Variants in APLP2 observed in about 807,000 individuals in gnomAD.
APLP2 encodes the protein amyloid beta precursor like protein 2.
A neutral mutation model predicts 89.9 loss-of-function variants in APLP2; 53 were observed. The ratio of observed to expected loss-of-function variants is 0.59; its 90% CI spans 0.47 to 0.74. The LOEUF (loss-of-function observed/expected upper bound fraction) is 0.74, where lower values mean the gene tolerates loss of function less well. APLP2 is among the 30% of genes least tolerant of loss of function. APLP2 has a pLI of 0.00. For missense variants in APLP2, 973 were observed against 975.9 expected (o/e 1.00, Z 0.04); for synonymous variants, 372 against 348.6 (o/e 1.07, Z -0.75).
In APLP2 at chr11:130,144,804, C is replaced by T. The variant is rs1356735906; in HGVS notation, c.*1356C>T. On this transcript the variant is annotated 3_prime_UTR_variant, in exon 17 of 17. Coordinates refer to ENST00000338167, the MANE Select transcript of APLP2 (RefSeq NM_001142276.2). The stretch of plus-strand genomic sequence containing the variant: ...ACACATCAATAAATACTTTAACTTC[C>T]ACCGAGACTGCTCGTTTCACTGACT... 1 of 152,568 alleles carries T rather than the reference C, an allele frequency of 6.6e-6. No individual in the cohort carries two copies. Among genetic ancestry groups the T allele is most frequent in the Non-Finnish European group, 1.5e-5 (1 of 68,052 alleles). 9.5% of individuals were successfully genotyped at this position (152,568 alleles called of 1,614,324 possible).
chr11:130,069,944 T>G lies in APLP2; in HGVS notation c.-34T>G. ...AAGCGAGGAGTCCGAGTGTGTGAGC[T>G]TGAGAGCCGCGCGCTAGAGCGACCC... On this transcript the variant is annotated 5_prime_UTR_variant, in exon 1 of 17. Transcript: ENST00000338167. 6.8e-7 allele frequency: 1 copy of G among 1,470,624 alleles called. No homozygotes were observed. Among genetic ancestry groups the G allele is most frequent in the Non-Finnish European group, 9.1e-7 (1 of 1,103,864 alleles). The allele number at this position is 1,470,624 out of a possible 1,614,324, so 91.1% of individuals were successfully genotyped here.
chr11:130,090,798 G>T (rs1944866544), intron 1 of APLP2, among the ~76,000 whole-genome samples: 1 of 152,162 alleles, frequency 6.6e-6, no homozygotes, highest in Admixed American at 6.5e-5. Flanking sequence ...CAGACGGGGT[G>T]GTGGCCGGGC....
chr11:130,094,718 T>G (rs1241842661), intron 1 of APLP2, among the ~76,000 whole-genome samples: 1 of 152,174 alleles, frequency 6.6e-6, no homozygotes, highest in East Asian at 1.9e-4. Flanking sequence ...CACCCTTTCT[T>G]AGGAAGCTAT....
At chr11:130,133,831 G>A in intron 12 of APLP2, 103 bp downstream of exon 12, 1 of 840,862 alleles carries the variant, frequency 1.2e-6, no homozygotes, top group Non-Finnish European at 2.0e-6. Flanking sequence ...CAAGGCCGGT[G>A]AAGTGGGGCA....
rs1246031717 is a variant in APLP2, at chr11:130,127,844, A to G, written c.1296+4A>G. The G allele has an allele frequency of 6.2e-7, 1 of 1,613,392 alleles. No homozygotes were observed. The highest frequency in any genetic ancestry group is 8.5e-7 in the Non-Finnish European group (1 of 1,179,376). On this transcript the variant is annotated splice_donor_region_variant and intron_variant, in intron 9 of 16. Transcript: ENST00000338167. The stretch of plus-strand genomic sequence containing the variant: ...AGAGAGGCAGACTCTGATTCAGGTA[A>G]GATGCCTTCTCTGGGGACATAGCTT...
intron 1 of APLP2, among the ~76,000 whole-genome samples, chr11:130,087,772 T>A (rs905272555): frequency 6.6e-6 from 1 of 152,164 alleles, no homozygotes. Context: ...TTTTTCCGTC[T>A]AGCCACTTCC....
chr11:130,142,206 G>A, intron 16 of APLP2, 132 bp downstream of exon 16: 1 of 1,055,814 alleles, frequency 9.5e-7, no homozygotes, highest in South Asian at 2.5e-5. Context: ...GTTACTCACT[G>A]GATTCCTAGG....
At chr11:130,120,383 A>G (rs1949677605) in intron 3 of APLP2, among the ~76,000 whole-genome samples, 1 of 152,090 alleles carries the variant, frequency 6.6e-6, no homozygotes, top group Non-Finnish European at 1.5e-5. Flanking sequence ...ATGTGGGGAG[A>G]GTAGCTGTGT....
intron 13 of APLP2, 111 bp from the exon 14 acceptor site, chr11:130,140,287 A>G (rs531520632): frequency 1.3e-4 from 89 of 670,768 alleles, no homozygotes; most frequent in Non-Finnish European, 2.0e-4. Context: ...TCGCGTGGGG[A>G]GGTGCGTGTT....
intron 10 of APLP2, 55 bp from the exon 11 acceptor site, chr11:130,129,983 G>T: frequency 6.3e-7 from 1 of 1,577,206 alleles, no homozygotes; most frequent in African/African-American, 1.4e-5. Context: ...TTGTTTTCCT[G>T]CCTATTTTCA....
Position 130,130,029 on chromosome 11 carries a change from C to T in APLP2, c.1456-9C>T. On this transcript the variant is annotated splice_polypyrimidine_tract_variant and intron_variant, in intron 10 of 16. Transcript: ENST00000338167. ...CTCTGGATATTAAAACAACTGTTCT[C>T]TCTTGCAGCCTCATCGCATTCTCCA... 6 of 1,613,942 alleles carry T rather than the reference C, an allele frequency of 3.7e-6. No homozygotes were observed. Among genetic ancestry groups the T allele is most frequent in the Non-Finnish European group, 5.1e-6 (6 of 1,179,862 alleles).
At chr11:130,091,436 G>T (rs1416015408) in intron 1 of APLP2, among the ~76,000 whole-genome samples, 2 of 136,652 alleles carry the variant, frequency 1.5e-5, no homozygotes, top group African/African-American at 5.9e-5. Flanking sequence ...TCCCAGTAGG[G>T]GCGGCCGGGC....
At chr11:130,118,761 G>A (rs755146319) in intron 3 of APLP2, among the ~76,000 whole-genome samples, 9 of 152,176 alleles carry the variant, frequency 5.9e-5, no homozygotes, top group Non-Finnish European at 1.3e-4. Flanking sequence ...AAGCCTGTTT[G>A]CAGGTACTGC....
intron 1 of APLP2, among the ~76,000 whole-genome samples, chr11:130,086,891 A>G (rs1452056612): frequency 2.0e-5 from 3 of 152,182 alleles, no homozygotes; most frequent in Admixed American, 1.3e-4. Context: ...GTAGCTTCGT[A>G]GTAAGTTTTG....
At chr11:130,119,100 G>C (rs1337852624) in intron 3 of APLP2, among the ~76,000 whole-genome samples, 1 of 152,170 alleles carries the variant, frequency 6.6e-6, no homozygotes, top group African/African-American at 2.4e-5. Context: ...TGGCGAGGCT[G>C]GGTGGGTCTG....
Position 130,090,246 on chromosome 11 carries a change from TC to T in APLP2, c.106-19182del, listed in dbSNP as rs1466928743. On this transcript the variant is annotated intron_variant, in intron 1 of 16. Transcript: ENST00000338167. ...GTGGAGTATTCTAGTTCTAGCTCTG[TC>T]TTTTTTTTTTTTTTTTTTTTTAAAT... 9.2e-3 allele frequency among the ~76,000 whole-genome samples: 1,151 copies of T among 125,324 alleles called. 51 individuals are homozygous for T. The East Asian group carries it at 0.16, about 17-fold the overall frequency. The allele number at this position is 125,324 out of a possible 152,430, so 82.2% of individuals were successfully genotyped here. A position where few individuals can be genotyped will look rare whatever the true frequency, so the allele number is the denominator to read the frequency against.
intron 1 of APLP2, among the ~76,000 whole-genome samples, chr11:130,084,503 G>A (rs1471215469): frequency 6.6e-6 from 1 of 152,020 alleles, no homozygotes; most frequent in African/African-American, 2.4e-5. Context: ...TTTTTGTAGT[G>A]TCTTAATCCT....
At chr11:130,134,910 C>G (rs1951389261) in intron 12 of APLP2, among the ~76,000 whole-genome samples, 1 of 152,100 alleles carries the variant, frequency 6.6e-6, no homozygotes, top group Non-Finnish European at 1.5e-5. Context: ...CCGGAGCTCT[C>G]TTGATACATG....
At chr11:130,128,970 C>G in intron 9 of APLP2, 78 bp from the exon 10 acceptor site, 1 of 1,506,630 alleles carries the variant, frequency 6.6e-7, no homozygotes, top group Non-Finnish European at 9.0e-7. Context: ...ACAGGAGAAG[C>G]ACTGGGGTCT....
Sources: allele counts gnomAD v4.1 joint callset (sites outside exome capture counted in the v4.1 genomes callset), GRCh38; gene constraint gnomAD v4.1.1; transcripts MANE v1.5; gene names NCBI Gene and HGNC (gene_info 2026-07-23, HGNC 2026-07-21).